CEP63: variants seen among roughly 807,000 people sequenced by gnomAD.
The protein encoded by CEP63 is centrosomal protein 63.
In CEP63, 84 loss-of-function variants were observed where a neutral mutation model predicts 89.1. That is an observed-to-expected ratio of 0.94 (90% CI 0.79 to 1.13). The LOEUF is 1.13. CEP63 is among the 50% of genes most tolerant of loss of function. The pLI, the probability that CEP63 is intolerant of heterozygous loss-of-function variation, is 0.00. For synonymous variants in CEP63, 267 were observed against 272.5 expected (o/e 0.98, Z 0.20); for missense variants, 838 against 813.3 (o/e 1.03, Z -0.37).
the CEP63 span, among the ~76,000 whole-genome samples, chr3:134,657,834 A>G: frequency 6.6e-6 from 1 of 152,156 alleles, no homozygotes; most frequent in African/African-American, 2.4e-5. Flanking sequence ...AGCATTGAAA[A>G]CTATTGGTAC....
the CEP63 span, chr3:134,604,052 C>G: frequency 6.2e-7 from 1 of 1,613,988 alleles, no homozygotes; most frequent in Non-Finnish European, 8.5e-7. Context: ...TGTGTCTCCT[C>G]AGTGATGGGG....
chr3:134,562,331 C>A lies in CEP63; in HGVS notation c.*796C>A. 1 of 643,172 alleles carries A rather than the reference C, an allele frequency of 1.6e-6. No individual in the cohort carries two copies. The highest frequency in any genetic ancestry group is 1.9e-6 in the Non-Finnish European group (1 of 517,322). 39.8% of individuals were successfully genotyped at this position (643,172 alleles called of 1,614,324 possible). A position where few individuals can be genotyped will look rare whatever the true frequency, so the allele number is the denominator to read the frequency against. ...TGTGGAGAGAGAGAGGAGCAGGAGG[C>A]TGGGTTTGGGGCCCTGAAAGATGCC... On this transcript the variant is annotated 3_prime_UTR_variant, in exon 15 of 15. Transcript: ENST00000675561.
chr3:134,712,192 C>T, the CEP63 span, among the ~76,000 whole-genome samples: 53 of 152,238 alleles, frequency 3.5e-4, no homozygotes, highest in Admixed American at 9.8e-4. Flanking sequence ...TTTTTTAAAT[C>T]CATCCATTGT....
the CEP63 span, among the ~76,000 whole-genome samples, chr3:134,670,291 C>G: frequency 6.6e-6 from 1 of 152,122 alleles, no homozygotes; most frequent in Non-Finnish European, 1.5e-5. Context: ...TTCCCCAAAC[C>G]ACACACAGTC....
At chr3:134,522,794 A>C (rs1577027402) in intron 3 of CEP63, among the ~76,000 whole-genome samples, 1 of 152,098 alleles carries the variant, frequency 6.6e-6, no homozygotes, top group Non-Finnish European at 1.5e-5. Flanking sequence ...CATTTTCTTT[A>C]GTCTACCATT....
the CEP63 span, chr3:134,651,274 C>T: frequency 4.2e-6 from 5 of 1,194,898 alleles, no homozygotes; most frequent in Middle Eastern, 7.5e-4. Context: ...TCCCTCCCTG[C>T]GCCCCTGCCT....
intron 6 of CEP63, among the ~76,000 whole-genome samples, chr3:134,544,447 C>T (rs1952746564): frequency 1.3e-5 from 2 of 152,162 alleles, no homozygotes; most frequent in Admixed American, 6.6e-5. Flanking sequence ...CCTCTTTTAA[C>T]TCAGGAAGTG....
chr3:134,715,528 GT>G, the CEP63 span, among the ~76,000 whole-genome samples: 2 of 21,122 alleles, frequency 9.5e-5, no homozygotes, highest in Non-Finnish European at 1.9e-4. Flanking sequence ...TTTTTTTTTT[GT>G]TTTTTTTTGT....
the CEP63 span, among the ~76,000 whole-genome samples, chr3:134,612,116 A>G: frequency 1.3e-5 from 2 of 152,140 alleles, no homozygotes; most frequent in African/African-American, 4.8e-5. Context: ...GAGGTTCCTT[A>G]GGGGCTTGGA....
intron 10 of CEP63, among the ~76,000 whole-genome samples, chr3:134,586,693 A>G (rs1486046783): frequency 6.6e-6 from 1 of 152,040 alleles, no homozygotes; most frequent in Non-Finnish European, 1.5e-5. Context: ...CTCGAGGAGT[A>G]TCTCTGTGGT....
chr3:134,514,691 A>C (rs955670521), intron 3 of CEP63, among the ~76,000 whole-genome samples: 4 of 152,228 alleles, frequency 2.6e-5, no homozygotes. Flanking sequence ...TTCTGTATCC[A>C]GAATAAAGGT....
intron 3 of CEP63, among the ~76,000 whole-genome samples, chr3:134,523,817 T>C (rs1293184072): frequency 6.6e-6 from 1 of 152,184 alleles, no homozygotes; most frequent in Non-Finnish European, 1.5e-5. Flanking sequence ...TGAAGTTGGG[T>C]AGTGTGATGC....
chr3:134,712,862 C>T, the CEP63 span, among the ~76,000 whole-genome samples: 1 of 152,184 alleles, frequency 6.6e-6, no homozygotes, highest in African/African-American at 2.4e-5. Context: ...GAATATAAAT[C>T]TGGCTGCCTG....
exon 12 of CEP63, chr3:134,574,896 C>A: frequency 2.0e-6 from 1 of 508,278 alleles, no homozygotes. Flanking sequence ...GTGTGAGCTA[C>A]CACCACTGGC....
chr3:134,691,230 TG>T, the CEP63 span, among the ~76,000 whole-genome samples: 1 of 151,486 alleles, frequency 6.6e-6, no homozygotes, highest in Non-Finnish European at 1.5e-5. Flanking sequence ...TCGTGCTGTA[TG>T]CCTGTAGTCC....
downstream of CEP63, among the ~76,000 whole-genome samples, chr3:134,592,400 T>A (rs1958614524): frequency 6.6e-6 from 1 of 152,058 alleles, no homozygotes; most frequent in African/African-American, 2.4e-5. Flanking sequence ...GGCTCTTCCT[T>A]TTGAATGTAG....
the CEP63 span, among the ~76,000 whole-genome samples, chr3:134,763,376 T>C: frequency 1.3e-5 from 2 of 152,266 alleles, no homozygotes; most frequent in Admixed American, 1.3e-4. Flanking sequence ...GTGGCTTGTC[T>C]GTGGTTCAGG....
chr3:134,506,671 C>G (rs1246333274), intron 2 of CEP63, among the ~76,000 whole-genome samples: 3 of 152,126 alleles, frequency 2.0e-5, no homozygotes, highest in Non-Finnish European at 2.9e-5. Context: ...GTAATCCCAG[C>G]ACTTTGGGAG....
downstream of CEP63, among the ~76,000 whole-genome samples, chr3:134,578,489 C>G (rs1231799152): frequency 6.6e-6 from 1 of 151,966 alleles, no homozygotes; most frequent in Non-Finnish European, 1.5e-5. Flanking sequence ...CACCACCATG[C>G]CTGGCTAATT....
Sources: gnomAD v4.1 joint callset for allele counts (sites outside exome capture counted in the v4.1 genomes callset) on GRCh38, gnomAD v4.1.1 for gene constraint, MANE v1.5 for transcripts, NCBI Gene and HGNC (gene_info 2026-07-23, HGNC 2026-07-21) for gene names.